The following ERO1B variants were observed in gnomAD, a reference collection of about 807,000 sequenced individuals.
ERO1B encodes endoplasmic reticulum oxidoreductase 1 beta, also known as ERO1-like protein beta.
Under a neutral mutation model 75.3 loss-of-function variants are expected in ERO1B, and 49 were observed. The observed-to-expected ratio is 0.65, with a 90% CI of 0.52 to 0.83. ERO1B has a LOEUF of 0.83. Among genes scored for constraint, ERO1B ranks in the 40% least tolerant of loss-of-function variants. The pLI is 0.00. For missense variants in ERO1B, 512 were observed against 560.1 expected (o/e 0.91, Z 0.87); for synonymous variants, 191 against 192.9 (o/e 0.99, Z 0.08).
Position 236,218,319 on chromosome 1 carries a change from G to T in ERO1B, c.*197C>A. On this transcript the variant is annotated 3_prime_UTR_variant, in exon 16 of 16. Coordinates refer to ENST00000354619, the MANE Select transcript of ERO1B (RefSeq NM_019891.4). ...TTAGTATAACTTACATGTTTTAAAA[G>T]TATATACTTCATTTATAAATATCTC... 3.1e-6 allele frequency: 1 copy of T among 322,182 alleles called. No homozygotes were observed. The highest frequency in any genetic ancestry group is 5.2e-6 in the Non-Finnish European group (1 of 191,808). 20.0% of individuals were successfully genotyped at this position (322,182 alleles called of 1,614,324 possible). A position where few individuals can be genotyped will look rare whatever the true frequency, so the allele number is the denominator to read the frequency against.
intron 10 of ERO1B, 123 bp downstream of exon 10, chr1:236,230,099 ATT>A: frequency 1.4e-6 from 1 of 710,678 alleles, no homozygotes; most frequent in Non-Finnish European, 2.4e-6. Flanking sequence ...CCTAAAACAC[ATT>A]TTTTTTTTCA....
chr1:236,244,972 A>G (rs1664804513), intron 5 of ERO1B, among the ~76,000 whole-genome samples: 1 of 151,948 alleles, frequency 6.6e-6, no homozygotes, highest in African/African-American at 2.4e-5. Context: ...ATAGGGAATG[A>G]GAAACTTTCT....
At position 236,226,255 on chromosome 1, in the gene ERO1B, T is replaced by G. The variant is rs1438392982; in HGVS notation, c.1052+14A>C. ...AGAGAGGAGAATTTCAAATCACGGA[T>G]AGTCAATTCTTACTTTGTATCTTGA... is the stretch of plus-strand genomic sequence containing the variant. On this transcript the variant is annotated intron_variant, in intron 12 of 15. Transcript: ENST00000354619. The G allele has an allele frequency of 1.9e-6, 3 of 1,611,102 alleles. No individual in the cohort carries two copies. The highest frequency in any genetic ancestry group is 2.2e-5 in the South Asian group (2 of 90,630).
rs1360835690 is a variant in ERO1B at position 236,215,300 on chromosome 1, TCTTA to T, written c.*3212_*3215del. The stretch of plus-strand genomic sequence containing the variant: ...ACTTAGCCTTTTTTATCCTCAGTCT[TCTTA>T]CTTATAAAACAGAGAAGTAATTGTA... On this transcript the variant is annotated 3_prime_UTR_variant, in exon 16 of 16. Coordinates refer to ENST00000354619, the MANE Select transcript of ERO1B (RefSeq NM_019891.4). 1.3e-5 allele frequency among the ~76,000 whole-genome samples: 2 copies of T among 152,196 alleles called. No individual in the cohort carries two copies. The highest frequency in any genetic ancestry group is 6.5e-5 in the Admixed American group (1 of 15,286).
rs1664829016 is a variant in ERO1B, at chr1:236,245,367, T to C, written c.432-1872A>G. Reference sequence around the variant, plus strand: ...GTATATATATACACACGTATATATATACGTATATATATACACACGTATATA... The same window carrying C: ...GTATATATATACACACGTATATATACACGTATATATATACACACGTATATA... On this transcript the variant is annotated intron_variant, in intron 5 of 15. Transcript: ENST00000354619. Among the ~76,000 whole-genome samples, 2 of 73,576 alleles carry C rather than the reference T, an allele frequency of 2.7e-5. 1 individual carries two copies. Among genetic ancestry groups the C allele is most frequent in the Non-Finnish European group, 5.4e-5 (2 of 36,802 alleles). The allele number at this position is 73,576 out of a possible 152,430, so 48.3% of individuals were successfully genotyped here.
rs746168208 is a variant in ERO1B at position 236,220,939 on chromosome 1, C to G, written c.1236G>C (p.Lys412Asn). 5 of 1,590,898 alleles carry G rather than the reference C, an allele frequency of 3.1e-6. No individual in the cohort carries two copies. The highest frequency in any genetic ancestry group is 1.8e-5 in the Admixed American group (1 of 56,822). Residue 412 changes from lysine (K) to asparagine (N), a missense_variant, in exon 15 of 16, where the codon AAG becomes AAC. Coordinates refer to ENST00000354619, the MANE Select transcript of ERO1B (RefSeq NM_019891.4). The part of the protein sequence containing the change: ...LQTQGLGTAL[K>N]ILFSEKEIQK... ...GGATTTCTTTTTCAGAGAATAATAT[C>G]TTCAGGGCAGTTCCTAAACCCTGAG...
At chr1:236,228,299 A>C (rs973586967) in intron 10 of ERO1B, among the ~76,000 whole-genome samples, 1 of 152,132 alleles carries the variant, frequency 6.6e-6, no homozygotes, top group Non-Finnish European at 1.5e-5. Flanking sequence ...ATTTCCACAA[A>C]CTGTGAAAAA....
At chr1:236,243,673 T>C (rs1558512387) in intron 5 of ERO1B, among the ~76,000 whole-genome samples, 178 bp from the exon 6 acceptor site, 2 of 152,152 alleles carry the variant, frequency 1.3e-5, no homozygotes, top group Non-Finnish European at 2.9e-5. Context: ...TAGGAAAATA[T>C]ATGTATTAAT....
intron 15 of ERO1B, 50 bp from the exon 16 acceptor site, chr1:236,218,626 G>A (rs756295169): frequency 2.4e-6 from 3 of 1,236,096 alleles, no homozygotes; most frequent in African/African-American, 1.6e-5. Flanking sequence ...GTTGCATACT[G>A]TTTCAAATTA....
At chr1:236,226,087 A>AATG (rs1339400918) in intron 12 of ERO1B, among the ~76,000 whole-genome samples, 182 bp downstream of exon 12, 1 of 152,230 alleles carries the variant, frequency 6.6e-6, no homozygotes, top group Non-Finnish European at 1.5e-5. Flanking sequence ...AAGCCTTATT[A>AATG]ATGCTTTTTC....
Position 236,217,195 on chromosome 1 carries a change from G to C in ERO1B, c.*1321C>G, listed in dbSNP as rs1451153734. ...AGCACTTATTCTTTAATTCAGAAAA[G>C]ACTAAAGAGTCTAAGGAAAAACTCT... On this transcript the variant is annotated 3_prime_UTR_variant, in exon 16 of 16. Coordinates refer to ENST00000354619, the MANE Select transcript of ERO1B (RefSeq NM_019891.4). 1.3e-5 allele frequency: 2 copies of C among 151,958 alleles called. No homozygotes were observed. Among genetic ancestry groups the C allele is most frequent in the Admixed American group, 1.3e-4 (2 of 15,242 alleles). The allele number at this position is 151,958 out of a possible 1,614,324, so 9.4% of individuals were successfully genotyped here.
intron 10 of ERO1B, among the ~76,000 whole-genome samples, chr1:236,229,771 A>G (rs1664357137): frequency 6.6e-6 from 1 of 152,216 alleles, no homozygotes. Flanking sequence ...ATATTGCTTT[A>G]TCTTTTAATC....
At chr1:236,253,807 C>A (rs1288575231) in intron 2 of ERO1B, among the ~76,000 whole-genome samples, 4 of 152,152 alleles carry the variant, frequency 2.6e-5, no homozygotes, top group Non-Finnish European at 5.9e-5. Flanking sequence ...AACTGAGCAT[C>A]CACTATGTGT....
chr1:236,236,220 C>A, intron 7 of ERO1B, 58 bp downstream of exon 7: 1 of 1,604,708 alleles, frequency 6.2e-7, no homozygotes, highest in South Asian at 1.1e-5. Context: ...AGCCACAGCA[C>A]CCGGCCTCTC....
chr1:236,224,101 A>C (rs1398071290), intron 13 of ERO1B, among the ~76,000 whole-genome samples: 1 of 152,208 alleles, frequency 6.6e-6, no homozygotes, highest in East Asian at 1.9e-4. Context: ...AACACCCTGC[A>C]GTCAAATCCG....
intron 1 of ERO1B, among the ~76,000 whole-genome samples, chr1:236,271,664 TATATATA>T (rs149724476): frequency 0.011 from 1,730 of 151,770 alleles, 15 homozygotes; most frequent in Non-Finnish European, 0.018. Context: ...GATTGTTTTT[TATATATA>T]ATATATAATT....
Position 236,281,851 on chromosome 1 carries a change from G to A in ERO1B, c.-68C>T, listed in dbSNP as rs985330382. ...CCGGGGAACGACGGGCGGCCCAGGC[G>A]ACGACCCAAGGGGACGGTTCCCAGC... On this transcript the variant is annotated 5_prime_UTR_variant, in exon 1 of 16. Transcript: ENST00000354619. 135 of 1,207,234 alleles carry A rather than the reference G, an allele frequency of 1.1e-4. No individual in the cohort carries two copies. The highest frequency in any genetic ancestry group is 1.4e-4 in the Non-Finnish European group (126 of 926,334). 74.8% of individuals were successfully genotyped at this position (1,207,234 alleles called of 1,614,324 possible).
intron 1 of ERO1B, among the ~76,000 whole-genome samples, chr1:236,279,595 G>A (rs1553375600): frequency 2.7e-5 from 4 of 149,082 alleles, no homozygotes; most frequent in Non-Finnish European, 3.0e-5. Context: ...TTGGGAGGCC[G>A]AGGCAGGCGG....
rs530376534 is a variant in ERO1B at position 236,251,750 on chromosome 1, A to G, written c.348+300T>C. Among the ~76,000 whole-genome samples the G allele has an allele frequency of 9.8e-5, 15 of 152,342 alleles. No homozygotes were observed. The East Asian group carries it at 2.5e-3, about 25-fold the overall frequency. ...CTGAACCTGCCAGGCTAACTAGTTG[A>G]AACAGAAGACTAAAAATAGCTATGT... On this transcript the variant is annotated intron_variant, in intron 4 of 15. Coordinates refer to ENST00000354619, the MANE Select transcript of ERO1B (RefSeq NM_019891.4).
Sources: gnomAD v4.1 joint callset for allele counts (sites outside exome capture counted in the v4.1 genomes callset) on GRCh38, gnomAD v4.1.1 for gene constraint, MANE v1.5 for transcripts, NCBI Gene and HGNC (gene_info 2026-07-23, HGNC 2026-07-21) for gene names.